Variants in INTS15 observed in about 807,000 individuals in gnomAD.
INTS15 encodes integrator complex subunit 15, also known as uncharacterized protein C7orf26.
At chr7:6,596,819 G>C in the INTS15 span, among the ~76,000 whole-genome samples, 1 of 152,132 alleles carries the variant, frequency 6.6e-6, no homozygotes, top group Non-Finnish European at 1.5e-5. Flanking sequence ...GTCTCGCTCT[G>C]TCGCCCAGGC....
At chr7:6,606,567 G>C in the INTS15 span, among the ~76,000 whole-genome samples, 5,096 of 152,256 alleles carry the variant, frequency 0.033, 103 homozygotes, top group Middle Eastern at 0.051. Flanking sequence ...GCAAGATCCT[G>C]GGGCAGGTCA....
chr7:6,595,330 T>G, the INTS15 span, among the ~76,000 whole-genome samples: 3 of 152,188 alleles, frequency 2.0e-5, no homozygotes, highest in South Asian at 4.1e-4. Context: ...GTCTGGCTGA[T>G]TTTTTATATT....
chr7:6,598,159 T>C, the INTS15 span, among the ~76,000 whole-genome samples: 1 of 151,918 alleles, frequency 6.6e-6, no homozygotes, highest in Admixed American at 6.6e-5. Flanking sequence ...AACAGAAACA[T>C]CTCTGTGGAA....
At chr7:6,608,256 G>T in the INTS15 span, 2 of 1,494,342 alleles carry the variant, frequency 1.3e-6, no homozygotes, top group South Asian at 2.5e-5. Context: ...CGGGGAAGGG[G>T]TCGGGCAGCC....
the INTS15 span, among the ~76,000 whole-genome samples, chr7:6,595,098 C>T: frequency 6.6e-6 from 1 of 152,088 alleles, no homozygotes; most frequent in African/African-American, 2.4e-5. Context: ...GAGGCGTGAT[C>T]CCAGCTCACT....
the INTS15 span, among the ~76,000 whole-genome samples, chr7:6,604,927 A>G: frequency 6.6e-6 from 1 of 152,166 alleles, no homozygotes; most frequent in East Asian, 1.9e-4. Context: ...GCACAGACAG[A>G]TCAGAGGGCC....
the INTS15 span, chr7:6,591,601 G>T: frequency 6.4e-7 from 1 of 1,556,730 alleles, no homozygotes; most frequent in East Asian, 2.2e-5. Context: ...TAATAAGTAC[G>T]TTACAGCCAC....
chr7:6,608,072 G>GCCCC, the INTS15 span: 12 of 1,580,434 alleles, frequency 7.6e-6, no homozygotes, highest in Non-Finnish European at 1.0e-5. Context: ...GGCTGTCCCG[G>GCCCC]CCCACCCCGC....
At chr7:6,602,534 G>T in the INTS15 span, 2 of 390,446 alleles carry the variant, frequency 5.1e-6, no homozygotes. Flanking sequence ...CCATCAGGCG[G>T]CACGGACCTG....
the INTS15 span, chr7:6,599,785 C>A: frequency 6.3e-7 from 1 of 1,583,216 alleles, no homozygotes. Context: ...CGCCCCTGTC[C>A]TCGAGGCCAA....
chr7:6,607,924 G>A, the INTS15 span: 3 of 1,595,328 alleles, frequency 1.9e-6, no homozygotes, highest in African/African-American at 4.0e-5. The surrounding 1 kb of genome is among the most constrained non-coding windows in gnomAD (Gnocchi z 6.0). Flanking sequence ...AGTCCCCGGA[G>A]CCCGCCCGCG....
the INTS15 span, chr7:6,600,346 G>A: frequency 6.2e-7 from 1 of 1,610,908 alleles, no homozygotes; most frequent in Non-Finnish European, 8.5e-7. Flanking sequence ...GAGCTCTGCT[G>A]TGCACGAGAG....
At chr7:6,594,194 G>C in the INTS15 span, among the ~76,000 whole-genome samples, 1 of 148,726 alleles carries the variant, frequency 6.7e-6, no homozygotes, top group Non-Finnish European at 1.5e-5. Context: ...TTTTAGTAGA[G>C]ACGAGTTTCA....
At chr7:6,597,540 C>T in the INTS15 span, among the ~76,000 whole-genome samples, 1 of 152,164 alleles carries the variant, frequency 6.6e-6, no homozygotes, top group Non-Finnish European at 1.5e-5. Context: ...AGTGATCTCC[C>T]TGCCTCAGCC....
At chr7:6,590,500 C>G in the INTS15 span, 2 of 1,534,564 alleles carry the variant, frequency 1.3e-6, no homozygotes, top group Non-Finnish European at 1.8e-6. Context: ...GGTCGGGTTC[C>G]CGGGCCCCGC....
chr7:6,601,660 CT>C, the INTS15 span, among the ~76,000 whole-genome samples: 162 of 135,962 alleles, frequency 1.2e-3, no homozygotes, highest in Middle Eastern at 8.6e-3. Flanking sequence ...TTTTTTCTTT[CT>C]TTTTTTTTTT....
chr7:6,591,531 TG>T, the INTS15 span: 1 of 869,636 alleles, frequency 1.1e-6, no homozygotes, highest in Non-Finnish European at 1.8e-6. Context: ...CCCAAAGTGC[TG>T]GGATTACAGG....
At chr7:6,593,825 ATTT>A in the INTS15 span, among the ~76,000 whole-genome samples, 1 of 148,210 alleles carries the variant, frequency 6.7e-6, no homozygotes, top group African/African-American at 2.5e-5. Flanking sequence ...AATTTTTTCT[ATTT>A]TTTATAGAGA....
chr7:6,594,363 T>C, the INTS15 span: 3 of 1,493,344 alleles, frequency 2.0e-6, no homozygotes, highest in Non-Finnish European at 2.8e-6. Flanking sequence ...AGGTGGTCAC[T>C]GTGTGTGCAT....
Sources: gnomAD v4.1 joint callset for allele counts (sites outside exome capture counted in the v4.1 genomes callset) on GRCh38, gnomAD v4.1.1 for gene constraint, Gnocchi (gnomAD v3.1) non-coding constraint, MANE v1.5 for transcripts, NCBI Gene and HGNC (gene_info 2026-07-23, HGNC 2026-07-21) for gene names.